Variants in ACYP2 observed in about 807,000 individuals in gnomAD.
The protein encoded by ACYP2 is acylphosphatase 2, also known as acylphosphatase-2.
A neutral mutation model predicts 11.2 loss-of-function variants in ACYP2; 12 were observed. The observed-to-expected ratio is 1.08, with a 90% CI of 0.69 to 1.74. ACYP2 has a LOEUF of 1.74. Among genes scored for constraint, ACYP2 ranks in the 40% most tolerant of loss-of-function variants. The pLI, the probability that ACYP2 is intolerant of heterozygous loss-of-function variation, is 0.00. For missense variants in ACYP2, 134 were observed against 101.9 expected (o/e 1.31, Z -1.35); for synonymous variants, 43 against 32.2 (o/e 1.33, Z -1.13).
intron 2 of ACYP2, among the ~76,000 whole-genome samples, chr2:54,011,520 T>C (rs1277343907): frequency 1.3e-5 from 2 of 152,226 alleles, no homozygotes; most frequent in South Asian, 2.1e-4. Context: ...GACTCTGATA[T>C]GCATTTATTA....
chr2:53,993,770 G>A (rs1672421507), intron 2 of ACYP2, among the ~76,000 whole-genome samples: 1 of 152,120 alleles, frequency 6.6e-6, no homozygotes, highest in African/African-American at 2.4e-5. Flanking sequence ...CGGAGAAGTA[G>A]GCAACACCCT....
intron 3 of ACYP2, among the ~76,000 whole-genome samples, chr2:54,052,440 G>A (rs1573614236): frequency 6.6e-6 from 1 of 152,040 alleles, no homozygotes; most frequent in South Asian, 2.1e-4. Context: ...TTTAAAGCAG[G>A]TTCTCCTTGG....
chr2:54,047,971 G>A (rs1383121010), intron 2 of ACYP2, among the ~76,000 whole-genome samples: 1 of 152,148 alleles, frequency 6.6e-6, no homozygotes, highest in Non-Finnish European at 1.5e-5. Flanking sequence ...AGCCAAGGCT[G>A]GTTCCATGGT....
intron 6 of ACYP2, among the ~76,000 whole-genome samples, chr2:54,274,319 C>G (rs553149092): frequency 5.9e-5 from 9 of 152,190 alleles, no homozygotes; most frequent in African/African-American, 2.2e-4. Flanking sequence ...CCAGGTTCCT[C>G]CTATGACACA....
At chr2:54,098,363 G>A (rs373037256) in intron 4 of ACYP2, among the ~76,000 whole-genome samples, 8 of 152,096 alleles carry the variant, frequency 5.3e-5, no homozygotes, top group African/African-American at 9.7e-5. Flanking sequence ...AAGGGCCCAC[G>A]TTGAATTTGA....
chr2:53,975,552 G>C (rs1671432030), intron 2 of ACYP2, among the ~76,000 whole-genome samples: 1 of 152,112 alleles, frequency 6.6e-6, no homozygotes, highest in African/African-American at 2.4e-5. Context: ...TCCTTTTGAG[G>C]CTGGGCTGGG....
In ACYP2 at chr2:53,988,151, G is replaced by T. The variant is rs186162693; in HGVS notation, c.62+14341G>T. On this transcript the variant is annotated intron_variant, in intron 2 of 6. Transcript: ENST00000607452. ...AGGCTGAGGCAGGAGGATTACTTGA[G>T]TCCAGGAGTTCAAGACCAGCCTGTG... Among the ~76,000 whole-genome samples, 3 of 152,164 alleles carry T rather than the reference G, an allele frequency of 2.0e-5. No individual in the cohort carries two copies. In the East Asian group the frequency reaches 5.8e-4, roughly 29 times the overall value.
At chr2:54,274,981 A>G (rs1261809955) in intron 6 of ACYP2, among the ~76,000 whole-genome samples, 1 of 152,240 alleles carries the variant, frequency 6.6e-6, no homozygotes, top group African/African-American at 2.4e-5. Flanking sequence ...CAAAATACTC[A>G]GTTCAACCTG....
At chr2:54,145,005 G>A (rs1265820541) in intron 6 of ACYP2, among the ~76,000 whole-genome samples, 1 of 151,916 alleles carries the variant, frequency 6.6e-6, no homozygotes, top group African/African-American at 2.4e-5. Context: ...ATTTTCTCCT[G>A]AATACAGTTT....
chr2:54,114,223 G>A (rs746372761), intron 4 of ACYP2, among the ~76,000 whole-genome samples: 17 of 152,104 alleles, frequency 1.1e-4, no homozygotes, highest in Non-Finnish European at 2.2e-4. Context: ...AAACAGATTT[G>A]GAATTCTAGA....
At chr2:54,199,437 C>T (rs1684659328) in intron 6 of ACYP2, among the ~76,000 whole-genome samples, 1 of 152,200 alleles carries the variant, frequency 6.6e-6, no homozygotes, top group South Asian at 2.1e-4. Context: ...CAGACTAAGT[C>T]TGGGACCTAA....
Position 54,057,224 on chromosome 2 carries a change from A to G in ACYP2, c.156-15A>G. ...ATGAACTTTTTCTTACTGTTCTCAC[A>G]TATTTTGTTTCCAGCTATAAATTCA... On this transcript the variant is annotated splice_polypyrimidine_tract_variant and intron_variant, in intron 3 of 6. Coordinates refer to ENST00000607452, the MANE Select transcript of ACYP2 (RefSeq NM_001320586.2). 1 of 397,724 alleles carries G rather than the reference A, an allele frequency of 2.5e-6. No homozygotes were observed. Among genetic ancestry groups the G allele is most frequent in the Non-Finnish European group, 4.4e-6 (1 of 225,502 alleles). 24.6% of individuals were successfully genotyped at this position (397,724 alleles called of 1,614,324 possible).
At chr2:54,265,253 G>C (rs1687962758) in intron 6 of ACYP2, among the ~76,000 whole-genome samples, 1 of 152,196 alleles carries the variant, frequency 6.6e-6, no homozygotes. Context: ...CTTGGTGGAA[G>C]GCAAGGAGGA....
chr2:54,189,851 C>T (rs1684168780), intron 6 of ACYP2, among the ~76,000 whole-genome samples: 1 of 152,172 alleles, frequency 6.6e-6, no homozygotes, highest in African/African-American at 2.4e-5. Flanking sequence ...CTCTTTTCTC[C>T]ACATCCTTGC....
intron 4 of ACYP2, 122 bp from the exon 1 acceptor site, chr2:54,115,493 C>T (rs2103726654): frequency 7.1e-7 from 1 of 1,404,928 alleles, no homozygotes; most frequent in Non-Finnish European, 9.4e-7. Context: ...CCTCTTCCCT[C>T]CTGGCGTCCC....
At chr2:54,100,197 C>G (rs752838272) in intron 4 of ACYP2, among the ~76,000 whole-genome samples, 8 of 150,186 alleles carry the variant, frequency 5.3e-5, no homozygotes, top group Non-Finnish European at 1.0e-4. Flanking sequence ...ATTTAGTTCA[C>G]TGTATAGCCA....
chr2:54,201,603 T>TCTTC (rs1684779879), intron 6 of ACYP2, among the ~76,000 whole-genome samples: 1 of 86,574 alleles, frequency 1.2e-5, no homozygotes, highest in South Asian at 5.0e-4. Context: ...TCTCTTTCTT[T>TCTTC]CTTTCTTTCT....
At chr2:54,255,537 C>T in intron 6 of ACYP2, 1 of 1,613,490 alleles carries the variant, frequency 6.2e-7, no homozygotes, top group Non-Finnish European at 8.5e-7. Flanking sequence ...GGATGGACTC[C>T]AGGGGGTTCA....
chr2:54,114,592 G>A (rs1679643961), intron 4 of ACYP2, among the ~76,000 whole-genome samples: 2 of 152,144 alleles, frequency 1.3e-5, no homozygotes, highest in South Asian at 4.2e-4. Context: ...GCTGAGGCAG[G>A]ACAATTTCTT....
Sources: allele counts gnomAD v4.1 joint callset (sites outside exome capture counted in the v4.1 genomes callset), GRCh38; gene constraint gnomAD v4.1.1; transcripts MANE v1.5; gene names NCBI Gene and HGNC (gene_info 2026-07-23, HGNC 2026-07-21).